The following DYNLT2B variants were observed in gnomAD, a reference collection of about 807,000 sequenced individuals.
DYNLT2B encodes dynein light chain Tctex-type protein 2B.
DYNLT2B carries 14 observed loss-of-function variants against 19.5 expected under a neutral mutation model. The ratio of observed to expected loss-of-function variants is 0.72; its 90% CI spans 0.47 to 1.12. DYNLT2B has a LOEUF of 1.12. DYNLT2B is among the 50% of genes most tolerant of loss of function. The pLI, the probability that DYNLT2B is intolerant of heterozygous loss-of-function variation, is 0.00. For missense variants in DYNLT2B, 133 were observed against 174.7 expected (o/e 0.76, Z 1.35); for synonymous variants, 70 against 59.7 (o/e 1.17, Z -0.79).
intron 3 of DYNLT2B, among the ~76,000 whole-genome samples, chr3:196,303,910 T>A (rs571849555): frequency 6.6e-6 from 1 of 152,078 alleles, no homozygotes; most frequent in South Asian, 2.1e-4. Context: ...GTAACCCCAG[T>A]GTTTTGGGAA....
At chr3:196,294,356 A>G (rs1416997190) in intron 4 of DYNLT2B, among the ~76,000 whole-genome samples, 1 of 152,200 alleles carries the variant, frequency 6.6e-6, no homozygotes, top group East Asian at 1.9e-4. Context: ...TCAAAAAATA[A>G]TAAAAATAAA....
intron 2 of DYNLT2B, among the ~76,000 whole-genome samples, chr3:196,308,927 C>G (rs1682378162): frequency 6.6e-6 from 1 of 151,778 alleles, no homozygotes; most frequent in African/African-American, 2.4e-5. Flanking sequence ...AAAAAAAACC[C>G]ACACCATATC....
intron 3 of DYNLT2B, chr3:196,298,116 T>C (rs1052643033): frequency 1.2e-5 from 4 of 338,378 alleles, no homozygotes; most frequent in Non-Finnish European, 1.7e-5. Flanking sequence ...TGCCTGATTT[T>C]ATTACCAGTT....
chr3:196,293,053 C>G (rs1276739617), intron 4 of DYNLT2B, among the ~76,000 whole-genome samples: 1 of 152,130 alleles, frequency 6.6e-6, no homozygotes, highest in Non-Finnish European at 1.5e-5. Flanking sequence ...GGGGTTTCAC[C>G]ATGTTGGCCA....
At chr3:196,314,242 A>C (rs965664614) in intron 2 of DYNLT2B, among the ~76,000 whole-genome samples, 2 of 152,166 alleles carry the variant, frequency 1.3e-5, no homozygotes, top group Non-Finnish European at 2.9e-5. Flanking sequence ...ACGGTGGCTC[A>C]CATCTGTAAT....
chr3:196,300,826 G>A (rs1018428320), intron 3 of DYNLT2B, among the ~76,000 whole-genome samples: 1 of 151,118 alleles, frequency 6.6e-6, no homozygotes, highest in South Asian at 2.1e-4. Context: ...GGGAGGCCAA[G>A]GCAGGAGAAT....
intron 2 of DYNLT2B, among the ~76,000 whole-genome samples, chr3:196,309,922 T>A (rs1726588587): frequency 6.7e-6 from 1 of 148,716 alleles, no homozygotes; most frequent in Admixed American, 6.8e-5. Context: ...CACTCCAGCT[T>A]GTGCAACAAG....
intron 2 of DYNLT2B, among the ~76,000 whole-genome samples, chr3:196,312,431 T>C (rs1726667494): frequency 6.6e-6 from 1 of 152,146 alleles, no homozygotes; most frequent in African/African-American, 2.4e-5. Context: ...AAATAAATTA[T>C]TACCTCAAAA....
chr3:196,307,039 T>G (rs775684670), intron 2 of DYNLT2B, 27 bp from the exon 3 acceptor site: 9 of 1,597,256 alleles, frequency 5.6e-6, no homozygotes, highest in Admixed American at 5.0e-5. Context: ...AGGTTATTTA[T>G]AAGCAAATAT....
At chr3:196,303,262 C>T (rs1468483535) in intron 3 of DYNLT2B, among the ~76,000 whole-genome samples, 2 of 152,068 alleles carry the variant, frequency 1.3e-5, no homozygotes, top group African/African-American at 4.8e-5. Flanking sequence ...CTCTGCTCCC[C>T]GAATGCTGGG....
rs545761609 is a variant in DYNLT2B at position 196,316,788 on chromosome 3, T to A, written c.114-557A>T. Among the ~76,000 whole-genome samples, 26 of 152,230 alleles carry A rather than the reference T, an allele frequency of 1.7e-4. 1 individual carries two copies. In the South Asian group the frequency reaches 5.2e-3, roughly 30 times the overall value. On this transcript the variant is annotated intron_variant, in intron 1 of 4. Transcript: ENST00000325318. The stretch of plus-strand genomic sequence containing the variant: ...TAATCAAAATTCCTGTTTTCCATAT[T>A]TGCCAAGCAAATATGGGGTGTGTGT...
intron 3 of DYNLT2B, among the ~76,000 whole-genome samples, chr3:196,299,105 G>T (rs1202849625): frequency 2.7e-5 from 4 of 146,180 alleles, no homozygotes; most frequent in Non-Finnish European, 4.5e-5. Context: ...TTTTTTTTGA[G>T]ATGGAGTTTC....
intron 1 of DYNLT2B, 35 bp from the exon 2 acceptor site, chr3:196,316,266 A>T (rs1379291808): frequency 6.3e-7 from 1 of 1,580,266 alleles, no homozygotes; most frequent in East Asian, 2.3e-5. Context: ...CCAGTCGGTG[A>T]CTCCACAACC....
intron 3 of DYNLT2B, among the ~76,000 whole-genome samples, chr3:196,299,130 G>T (rs1455149892): frequency 1.3e-5 from 2 of 151,072 alleles, no homozygotes; most frequent in African/African-American, 4.9e-5. Context: ...TGTTGCCCAG[G>T]CTGGAGTGCA....
intron 2 of DYNLT2B, among the ~76,000 whole-genome samples, chr3:196,312,942 G>A (rs941520545): frequency 6.6e-6 from 1 of 151,990 alleles, no homozygotes; most frequent in Non-Finnish European, 1.5e-5. Context: ...ACTTGAGCCC[G>A]GGAGGTTGAG....
intron 2 of DYNLT2B, among the ~76,000 whole-genome samples, chr3:196,310,727 CTGTTT>C (rs1277973794): frequency 6.6e-6 from 1 of 151,656 alleles, no homozygotes. Context: ...CTCACCTGGC[CTGTTT>C]TGTTTTGTTT....
chr3:196,316,298 A>G, intron 1 of DYNLT2B, 67 bp from the exon 2 acceptor site: 1 of 1,500,790 alleles, frequency 6.7e-7, no homozygotes, highest in Non-Finnish European at 8.9e-7. Flanking sequence ...TCATACCGCA[A>G]CTTCTCCCAT....
Position 196,316,131 on chromosome 3 carries a change from GT to G in DYNLT2B, c.213del (p.Lys71AsnfsTer11). ...TTATCTTTAATGTTTTCTGATAAAT[GT>G]TTTGTAAGCTGAGGCATTTCTTCTG... ...YSPEEMPQLT[K>X]HLSENIKDKL... On this transcript the variant is annotated frameshift_variant, in exon 2 of 5. Coordinates refer to ENST00000325318, the MANE Select transcript of DYNLT2B (RefSeq NM_152773.5). LOFTEE classifies it high-confidence loss of function. 1 of 1,613,606 alleles carries G rather than the reference GT, an allele frequency of 6.2e-7. No homozygotes were observed. The highest frequency in any genetic ancestry group is 8.5e-7 in the Non-Finnish European group (1 of 1,179,722).
intron 3 of DYNLT2B, among the ~76,000 whole-genome samples, chr3:196,298,660 A>C (rs892179507): frequency 6.6e-6 from 1 of 152,186 alleles, no homozygotes; most frequent in African/African-American, 2.4e-5. Flanking sequence ...AAGAACAGTA[A>C]GAAAAGCTGG....
Sources: allele counts gnomAD v4.1 joint callset (sites outside exome capture counted in the v4.1 genomes callset), GRCh38; gene constraint gnomAD v4.1.1; transcripts MANE v1.5; gene names NCBI Gene and HGNC (gene_info 2026-07-23, HGNC 2026-07-21).